DUS2: variants seen among roughly 807,000 people sequenced by gnomAD.
DUS2 encodes the protein tRNA-dihydrouridine(20) synthase [NAD(P)+]-like.
In DUS2, 52 loss-of-function variants were observed where a neutral mutation model predicts 71.3. The observed-to-expected ratio is 0.73, with a 90% CI of 0.58 to 0.92. The LOEUF (loss-of-function observed/expected upper bound fraction) is 0.92, where lower values mean the gene tolerates loss of function less well. Ranked by LOEUF, DUS2 falls within the 40% of genes least tolerant of loss-of-function variation. The probability of loss-of-function intolerance (pLI) is 0.00; values close to 1 mark genes in which losing one functional copy is unlikely to be tolerated. For synonymous variants in DUS2, 204 were observed against 227.8 expected (o/e 0.90, Z 0.94); for missense variants, 558 against 622.6 (o/e 0.90, Z 1.10).
intron 5 of DUS2, chr16:68,054,111 A>C (rs1288305931): frequency 5.1e-6 from 1 of 195,544 alleles, no homozygotes; most frequent in East Asian, 1.3e-4. Flanking sequence ...CTTTTTCAGA[A>C]ACATCCTTAA....
At chr16:68,034,767 G>A (rs2033492434) in intron 2 of DUS2, among the ~76,000 whole-genome samples, 2 of 152,090 alleles carry the variant, frequency 1.3e-5, no homozygotes, top group African/African-American at 4.8e-5. Flanking sequence ...GGAGGCCGAG[G>A]TGGGCGGATC....
intron 10 of DUS2, among the ~76,000 whole-genome samples, chr16:68,067,380 C>G (rs1405752831): frequency 7.1e-6 from 1 of 141,356 alleles, no homozygotes; most frequent in Non-Finnish European, 1.5e-5. Flanking sequence ...CTCCCGGGTT[C>G]AAGTGATTCT....
chr16:68,050,546 A>T (rs963933843), intron 4 of DUS2, among the ~76,000 whole-genome samples: 2 of 152,230 alleles, frequency 1.3e-5, no homozygotes, highest in African/African-American at 4.8e-5. Flanking sequence ...TAAAGAGGTA[A>T]TCAGAGAGAG....
intron 12 of DUS2, among the ~76,000 whole-genome samples, chr16:68,071,857 A>G (rs1756264529): frequency 6.6e-6 from 1 of 152,080 alleles, no homozygotes; most frequent in South Asian, 2.1e-4. Context: ...CAGGCTGGGA[A>G]TGGCCTTTTC....
chr16:68,073,469 G>A (rs1039778990), intron 12 of DUS2, among the ~76,000 whole-genome samples: 4 of 134,354 alleles, frequency 3.0e-5, no homozygotes, highest in Non-Finnish European at 4.7e-5. Context: ...TTTTTTTTGA[G>A]ACAGAGTTTT....
At position 68,061,030 on chromosome 16, in the gene DUS2, C is replaced by G. The variant is rs891040482; in HGVS notation, c.370-36C>G. On this transcript the variant is annotated intron_variant, in intron 7 of 16. Coordinates refer to ENST00000565263, the MANE Select transcript of DUS2 (RefSeq NM_017803.5). The stretch of plus-strand genomic sequence containing the variant: ...CCATGGAGAGGGCCATAGTGTCTCC[C>G]AGATGTAAGAAGACCTTTTGTGTGT... The G allele has an allele frequency of 1.9e-6, 3 of 1,608,416 alleles. No homozygotes were observed. In the African/African-American group the frequency reaches 4.0e-5, roughly 22 times the overall value.
chr16:68,068,712 C>A (rs1349367134), intron 10 of DUS2, among the ~76,000 whole-genome samples: 1 of 147,690 alleles, frequency 6.8e-6, no homozygotes, highest in Admixed American at 6.8e-5. Flanking sequence ...CCTCAGCCTC[C>A]TGAGTAGCTG....
intron 15 of DUS2, among the ~76,000 whole-genome samples, chr16:68,077,754 C>T (rs1451022072): frequency 6.6e-6 from 1 of 152,222 alleles, no homozygotes; most frequent in Admixed American, 6.5e-5. Context: ...TGTGGTGCCC[C>T]TGGGGTGGAA....
intron 2 of DUS2, among the ~76,000 whole-genome samples, chr16:68,028,595 C>T (rs1174623292): frequency 1.3e-5 from 2 of 152,224 alleles, no homozygotes; most frequent in East Asian, 1.9e-4. Context: ...GCTGAGATCA[C>T]GCCACTGCAC....
At chr16:68,036,171 T>C (rs1166631806) in intron 2 of DUS2, among the ~76,000 whole-genome samples, 2 of 149,866 alleles carry the variant, frequency 1.3e-5, no homozygotes, top group African/African-American at 2.5e-5. Context: ...TAATTTTTTT[T>C]TTTTTTCGAG....
At chr16:68,026,483 A>G (rs1474151751) in intron 2 of DUS2, among the ~76,000 whole-genome samples, 1 of 152,112 alleles carries the variant, frequency 6.6e-6, no homozygotes, top group Non-Finnish European at 1.5e-5. Flanking sequence ...CATTATCACT[A>G]TAGTATTCCT....
chr16:68,045,878 T>A (rs1466084149), intron 3 of DUS2, among the ~76,000 whole-genome samples: 1 of 151,304 alleles, frequency 6.6e-6, no homozygotes, highest in Non-Finnish European at 1.5e-5. Flanking sequence ...CAGGCATGAG[T>A]GGCTAATTTT....
chr16:68,031,986 C>T (rs1010566200), intron 2 of DUS2, among the ~76,000 whole-genome samples: 2 of 152,182 alleles, frequency 1.3e-5, no homozygotes, highest in African/African-American at 2.4e-5. Context: ...TGAGCCACCT[C>T]GCCCAGCCAA....
At chr16:68,024,568 GC>G (rs1234004181) in intron 1 of DUS2, among the ~76,000 whole-genome samples, 2 of 152,084 alleles carry the variant, frequency 1.3e-5, no homozygotes, top group Non-Finnish European at 2.9e-5. Context: ...TAAAAACTTT[GC>G]TTTTTTTGGA....
In DUS2 at chr16:68,045,874, T is replaced by C. The variant is rs1171369784; in HGVS notation, c.127-3631T>C. On this transcript the variant is annotated intron_variant, in intron 3 of 16. Coordinates refer to ENST00000565263, the MANE Select transcript of DUS2 (RefSeq NM_017803.5). ...TCCCAAGTAGCTGGGATTACAGGCA[T>C]GAGTGGCTAATTTTTGTATTTTTAG... Among the ~76,000 whole-genome samples, 3 of 151,838 alleles carry C rather than the reference T, an allele frequency of 2.0e-5. No homozygotes were observed. The East Asian group carries it at 5.9e-4, about 30-fold the overall frequency.
rs1316760688 is a variant in DUS2 at position 68,070,205 on chromosome 16, T to A, written c.626T>A (p.Ile209Asn). ...VIKAIADTLS[I>N]PVIANGGSHD... ...AAAGCCATTGCTGATACCCTCTCCA[T>A]TCCTGTCATAGCCAAGTAAGCCTCC... The change falls in exon 11 of 17, where the codon ATT becomes AAT. Residue 209 changes from isoleucine to asparagine, a missense_variant. Coordinates refer to ENST00000565263, the MANE Select transcript of DUS2 (RefSeq NM_017803.5). The A allele has an allele frequency of 1.2e-6, 2 of 1,614,116 alleles. No homozygotes were observed. Among genetic ancestry groups the A allele is most frequent in the Non-Finnish European group, 1.7e-6 (2 of 1,179,962 alleles).
intron 13 of DUS2, 108 bp from the exon 14 acceptor site, chr16:68,075,247 G>T (rs2034140562): frequency 2.7e-6 from 3 of 1,094,632 alleles, no homozygotes; most frequent in African/African-American, 1.6e-5. Context: ...GTGGTGTTTT[G>T]GTGTATGTGG....
chr16:68,054,473 T>A (rs2033821672), intron 5 of DUS2, 101 bp from the exon 6 acceptor site: 1 of 1,250,278 alleles, frequency 8.0e-7, no homozygotes, highest in African/African-American at 1.5e-5. Context: ...GTTGTTGGTG[T>A]GTGGGGTGTG....
In DUS2 at chr16:68,057,399, A is replaced by T. The variant is rs558890004; in HGVS notation, c.369+975A>T. Among the ~76,000 whole-genome samples the T allele has an allele frequency of 8.5e-5, 12 of 140,418 alleles. No individual in the cohort carries two copies. The South Asian group carries it at 1.5e-3, about 18-fold the overall frequency. 92.1% of individuals were successfully genotyped at this position (140,418 alleles called of 152,430 possible). On this transcript the variant is annotated intron_variant, in intron 7 of 16. Transcript: ENST00000565263. ...CCCAGAAAGCCCAGAGGAGGATTAT[A>T]AAAAAAAAAAAGGGAAAACAACTGA...
Sources: allele counts gnomAD v4.1 joint callset (sites outside exome capture counted in the v4.1 genomes callset), GRCh38; gene constraint gnomAD v4.1.1; transcripts MANE v1.5; gene names NCBI Gene and HGNC (gene_info 2026-07-23, HGNC 2026-07-21).